PHKB: variants seen among roughly 807,000 people sequenced by gnomAD.
PHKB encodes the protein phosphorylase kinase regulatory subunit beta, also known as phosphorylase b kinase regulatory subunit beta.
PHKB carries 122 observed loss-of-function variants against 152.1 expected under a neutral mutation model. The observed-to-expected ratio is 0.80, with a 90% CI of 0.69 to 0.93. The LOEUF is 0.93. PHKB is among the 40% of genes least tolerant of loss of function. The pLI, the probability that PHKB is intolerant of heterozygous loss-of-function variation, is 0.00. For missense variants in PHKB, 1,304 were observed against 1,328.4 expected (o/e 0.98, Z 0.29); for synonymous variants, 436 against 464.9 (o/e 0.94, Z 0.80).
chr16:47,698,534 A>G lies in PHKB; in HGVS notation c.3090A>G (p.Glu1030=). The part of the protein sequence containing the change: ...DKVDLDRLVK[E]AFNEFQKDQS... ...TAGATCTAGACAGACTGGTCAAAGA[A>G]GCATTTAATGAATTTCAAAAAGATC... The change falls in exon 30 of 31, where the codon GAA becomes GAG. Residue 1030 remains glutamate (E), a synonymous_variant. Transcript: ENST00000323584. 4 of 1,611,946 alleles carry G rather than the reference A, an allele frequency of 2.5e-6. No homozygotes were observed. The highest frequency in any genetic ancestry group is 3.4e-6 in the Non-Finnish European group (4 of 1,178,540).
chr16:47,693,834 T>C (rs1007195522), intron 28 of PHKB, among the ~76,000 whole-genome samples: 1 of 152,204 alleles, frequency 6.6e-6, no homozygotes. Flanking sequence ...ATTCCCTTTT[T>C]AAAAACCACA....
At chr16:47,686,533 A>C (rs1973968217) in intron 26 of PHKB, among the ~76,000 whole-genome samples, 1 of 152,214 alleles carries the variant, frequency 6.6e-6, no homozygotes, top group African/African-American at 2.4e-5. Context: ...TTCATAAAGT[A>C]AGTTCGATGA....
chr16:47,562,015 A>G (rs1971484152), intron 7 of PHKB: 1 of 152,180 alleles, frequency 6.6e-6, no homozygotes, highest in Non-Finnish European at 1.5e-5. Context: ...GAGAAGCTCC[A>G]AAGAGCTGGC....
intron 14 of PHKB, among the ~76,000 whole-genome samples, chr16:47,628,457 G>T (rs542046516): frequency 6.6e-6 from 1 of 152,074 alleles, no homozygotes; most frequent in African/African-American, 2.4e-5. Context: ...GCGTGAACCC[G>T]GCAGGCAGAG....
intron 1 of PHKB, among the ~76,000 whole-genome samples, chr16:47,491,936 A>G (rs1222400617): frequency 6.6e-6 from 1 of 152,190 alleles, no homozygotes; most frequent in Non-Finnish European, 1.5e-5. Context: ...GCACTCTTTA[A>G]TAAGGTCCTT....
intron 14 of PHKB, among the ~76,000 whole-genome samples, chr16:47,632,448 T>A (rs751282285): frequency 6.6e-6 from 1 of 152,232 alleles, no homozygotes; most frequent in Non-Finnish European, 1.5e-5. Flanking sequence ...TTCCATGATA[T>A]ACAATTATTA....
chr16:47,538,988 A>G (rs937620643), intron 6 of PHKB, among the ~76,000 whole-genome samples: 1 of 152,216 alleles, frequency 6.6e-6, no homozygotes, highest in Non-Finnish European at 1.5e-5. Flanking sequence ...AGGCAGATGC[A>G]TGTATTCAGT....
At chr16:47,511,889 T>A in intron 5 of PHKB, 117 bp downstream of exon 5, 1 of 722,224 alleles carries the variant, frequency 1.4e-6, no homozygotes, top group Non-Finnish European at 2.5e-6. Flanking sequence ...ACGGATGGGG[T>A]AGGGGCTAGA....
chr16:47,628,449 G>A (rs1164591793), intron 14 of PHKB, among the ~76,000 whole-genome samples: 4 of 152,074 alleles, frequency 2.6e-5, no homozygotes, highest in Admixed American at 1.3e-4. Flanking sequence ...GGAGAGTGGC[G>A]TGAACCCGGC....
At chr16:47,471,365 G>C (rs1470786769) in intron 1 of PHKB, among the ~76,000 whole-genome samples, 1 of 152,146 alleles carries the variant, frequency 6.6e-6, no homozygotes, top group Non-Finnish European at 1.5e-5. Context: ...ATAAATGGAA[G>C]GGAAGGTGAA....
intron 22 of PHKB, 122 bp downstream of exon 22, chr16:47,660,941 A>G: frequency 1.1e-6 from 1 of 924,882 alleles, no homozygotes; most frequent in Non-Finnish European, 1.8e-6. Flanking sequence ...GAGGTGGATG[A>G]CTTGTCTACT....
intron 14 of PHKB, among the ~76,000 whole-genome samples, chr16:47,628,521 A>G (rs1972754171): frequency 6.6e-6 from 1 of 152,136 alleles, no homozygotes; most frequent in Admixed American, 6.5e-5. Flanking sequence ...GACAGGGCAA[A>G]ACTCTGTCTC....
chr16:47,508,227 T>C (rs1970453059), intron 4 of PHKB, among the ~76,000 whole-genome samples: 1 of 152,250 alleles, frequency 6.6e-6, no homozygotes, highest in Non-Finnish European at 1.5e-5. Flanking sequence ...TTCTGGGTTT[T>C]ATTGTCTTGA....
At chr16:47,514,034 C>G (rs79841328) in intron 5 of PHKB, among the ~76,000 whole-genome samples, 1 of 152,164 alleles carries the variant, frequency 6.6e-6, no homozygotes, top group Non-Finnish European at 1.5e-5. Flanking sequence ...TCCAAAGCCC[C>G]CCAGCTCTAG....
chr16:47,473,811 G>T (rs148311157), intron 1 of PHKB, among the ~76,000 whole-genome samples: 5 of 152,120 alleles, frequency 3.3e-5, no homozygotes, highest in African/African-American at 1.2e-4. Flanking sequence ...TACAGTGTTG[G>T]ATAATTAAAT....
intron 1 of PHKB, among the ~76,000 whole-genome samples, chr16:47,466,879 G>T (rs1030387843): frequency 6.6e-6 from 1 of 152,096 alleles, no homozygotes; most frequent in Non-Finnish European, 1.5e-5. Flanking sequence ...ACTCTTGTGG[G>T]TTGTGGCCTC....
Position 47,587,733 on chromosome 16 carries a change from C to T in PHKB, c.840C>T (p.Cys280=). ...DAHNRNRQTL[C]SLLPRESRSH... ...ACAATCGCAACAGGCAAACTTTGTG[C>T]TCGCTGTTACCCAGAGAATCAAGAT... Residue 280 remains cysteine (C), a synonymous_variant, in exon 9 of 31, where the codon TGC becomes TGT. Coordinates refer to ENST00000323584, the MANE Select transcript of PHKB (RefSeq NM_000293.3). 6.2e-7 allele frequency: 1 copy of T among 1,612,938 alleles called. No individual in the cohort carries two copies. The highest frequency in any genetic ancestry group is 8.5e-7 in the Non-Finnish European group (1 of 1,179,012).
chr16:47,493,137 C>T (rs576421847), intron 1 of PHKB, among the ~76,000 whole-genome samples: 18 of 152,266 alleles, frequency 1.2e-4, no homozygotes, highest in African/African-American at 3.4e-4. Context: ...GCACACTCCT[C>T]CCAGTGTGCA....
Position 47,500,326 on chromosome 16 carries a change from G to C in PHKB, c.305+432G>C, listed in dbSNP as rs141936952. On this transcript the variant is annotated intron_variant, in intron 3 of 30. Transcript: ENST00000323584. ...TGGGATTACAGGTGTGAACCACCATGCCCAGCCTAAACCGTTTCATTTTTC... is the reference window on the plus strand; with the variant it reads ...TGGGATTACAGGTGTGAACCACCATCCCCAGCCTAAACCGTTTCATTTTTC... 8.7e-4 allele frequency among the ~76,000 whole-genome samples: 133 copies of C among 152,286 alleles called. 1 individual carries two copies. Among genetic ancestry groups the C allele is most frequent in the Middle Eastern group, 6.8e-3 (2 of 294 alleles).
Sources: gnomAD v4.1 joint callset for allele counts (sites outside exome capture counted in the v4.1 genomes callset) on GRCh38, gnomAD v4.1.1 for gene constraint, MANE v1.5 for transcripts, NCBI Gene and HGNC (gene_info 2026-07-23, HGNC 2026-07-21) for gene names.